Variants in AUTS2 observed in about 807,000 individuals in gnomAD.
AUTS2 encodes autism susceptibility gene 2 protein.
Under a neutral mutation model 112.4 loss-of-function variants are expected in AUTS2, and 17 were observed. The observed-to-expected ratio is 0.15, with a 90% CI of 0.10 to 0.23. The LOEUF (loss-of-function observed/expected upper bound fraction) is 0.23, where lower values mean the gene tolerates loss of function less well. AUTS2 is among the 10% of genes least tolerant of loss of function. The pLI is 1.00. For missense variants in AUTS2, 1,510 were observed against 1,701.6 expected (o/e 0.89, Z 1.98); for synonymous variants, 751 against 702.7 (o/e 1.07, Z -1.09).
At chr7:70,530,675 C>A (rs2129497959) in intron 5 of AUTS2, among the ~76,000 whole-genome samples, 1 of 152,208 alleles carries the variant, frequency 6.6e-6, no homozygotes, top group Non-Finnish European at 1.5e-5. Context: ...TGCTTATGGT[C>A]ACTGCTTTTA....
intron 1 of AUTS2, among the ~76,000 whole-genome samples, chr7:69,676,108 C>T (rs1489140796): frequency 6.6e-6 from 1 of 152,062 alleles, no homozygotes; most frequent in African/African-American, 2.4e-5. Flanking sequence ...TTCTGGTGTT[C>T]AGAAATATCT....
intron 1 of AUTS2, among the ~76,000 whole-genome samples, chr7:69,703,343 G>A (rs559978205): frequency 5.3e-5 from 8 of 152,296 alleles, no homozygotes; most frequent in South Asian, 4.1e-4. Flanking sequence ...AATTGGCAGA[G>A]CTATTAAGAT....
chr7:69,805,789 A>G (rs1026854858), intron 1 of AUTS2, among the ~76,000 whole-genome samples: 4 of 152,230 alleles, frequency 2.6e-5, no homozygotes, highest in Non-Finnish European at 5.9e-5. Flanking sequence ...CCAGTGAGCA[A>G]TAAGTTAATA....
chr7:70,162,513 G>T (rs1808146324), intron 4 of AUTS2, among the ~76,000 whole-genome samples: 1 of 134,250 alleles, frequency 7.4e-6, no homozygotes, highest in East Asian at 2.4e-4. Context: ...TTGTGCAACT[G>T]ATCATGAAGT....
At position 69,993,225 on chromosome 7, in the gene AUTS2, A is replaced by G. The variant is rs1001643412; in HGVS notation, c.522+93727A>G. Among the ~76,000 whole-genome samples, 3 of 152,108 alleles carry G rather than the reference A, an allele frequency of 2.0e-5. No individual in the cohort carries two copies. The East Asian group carries it at 5.8e-4, about 29-fold the overall frequency. On this transcript the variant is annotated intron_variant, in intron 2 of 18. Transcript: ENST00000342771. ...GTCCAACAACAATCTTGCAGCTTCC[A>G]CTTTACAGTCCTCCTTTGGTTATGT...
intron 4 of AUTS2, among the ~76,000 whole-genome samples, chr7:70,416,461 G>C (rs1794991130): frequency 6.6e-6 from 1 of 152,070 alleles, no homozygotes; most frequent in Non-Finnish European, 1.5e-5. Flanking sequence ...CTTTTGAATG[G>C]GCCTTGCCCA....
At chr7:70,347,522 C>T (rs1181934405) in intron 4 of AUTS2, among the ~76,000 whole-genome samples, 1 of 152,106 alleles carries the variant, frequency 6.6e-6, no homozygotes, top group African/African-American at 2.4e-5. Flanking sequence ...CTATTCTCTG[C>T]TCACCTGGAA....
chr7:70,515,446 T>G (rs921533459), intron 5 of AUTS2, among the ~76,000 whole-genome samples: 3 of 152,222 alleles, frequency 2.0e-5, no homozygotes, highest in African/African-American at 7.2e-5. Context: ...TGGAGCATTT[T>G]AATCAGCCCT....
intron 5 of AUTS2, among the ~76,000 whole-genome samples, chr7:70,695,434 G>C (rs1466517172): frequency 6.6e-6 from 1 of 152,244 alleles, no homozygotes; most frequent in Non-Finnish European, 1.5e-5. Flanking sequence ...GCGGAGGTCG[G>C]GATCCCGGCC....
intron 5 of AUTS2, among the ~76,000 whole-genome samples, chr7:70,501,211 A>G (rs1798759432): frequency 6.6e-6 from 1 of 152,202 alleles, no homozygotes; most frequent in Admixed American, 6.5e-5. Flanking sequence ...ATCTCGGGCA[A>G]GTTAAATGAG....
intron 4 of AUTS2, among the ~76,000 whole-genome samples, chr7:70,167,472 T>C (rs1024831704): frequency 1.3e-5 from 2 of 152,198 alleles, no homozygotes; most frequent in African/African-American, 4.8e-5. Context: ...TAATAAAGTT[T>C]GAGATTTCAT....
intron 1 of AUTS2, among the ~76,000 whole-genome samples, chr7:69,762,555 C>G (rs758779741): frequency 1.3e-5 from 2 of 151,834 alleles, no homozygotes; most frequent in African/African-American, 4.8e-5. Context: ...GCCATCTGCC[C>G]GCTTCGGCCT....
At chr7:69,691,360 T>G (rs1326589299) in intron 1 of AUTS2, among the ~76,000 whole-genome samples, 1 of 151,942 alleles carries the variant, frequency 6.6e-6, no homozygotes, top group East Asian at 1.9e-4. Flanking sequence ...GTCCATTGTG[T>G]CTAGGCTGTT....
At chr7:69,963,096 A>G (rs1797495897) in intron 2 of AUTS2, among the ~76,000 whole-genome samples, 1 of 152,122 alleles carries the variant, frequency 6.6e-6, no homozygotes, top group Non-Finnish European at 1.5e-5. Flanking sequence ...CTGTCTGTTT[A>G]AAACAAAACA....
rs992732005 is a variant in AUTS2, at chr7:69,865,751, A to G, written c.310-33535A>G. Reference sequence around the variant, plus strand: ...TCTCTTCGAATTTAGAGACATCATCAGTGCATATCATCCATTATACAAAAA... The same window carrying G: ...TCTCTTCGAATTTAGAGACATCATCGGTGCATATCATCCATTATACAAAAA... On this transcript the variant is annotated intron_variant, in intron 1 of 18. Coordinates refer to ENST00000342771, the MANE Select transcript of AUTS2 (RefSeq NM_015570.4). Among the ~76,000 whole-genome samples the G allele has an allele frequency of 2.0e-5, 3 of 152,174 alleles. No individual in the cohort carries two copies. The South Asian group carries it at 6.2e-4, about 32-fold the overall frequency.
At chr7:69,947,350 G>C (rs1584479724) in intron 2 of AUTS2, among the ~76,000 whole-genome samples, 1 of 152,222 alleles carries the variant, frequency 6.6e-6, no homozygotes, top group East Asian at 1.9e-4. Context: ...TGGGCATCTT[G>C]GCGAGAAAAG....
chr7:70,052,785 A>G (rs1801815201), intron 2 of AUTS2, among the ~76,000 whole-genome samples: 1 of 152,126 alleles, frequency 6.6e-6, no homozygotes, highest in South Asian at 2.1e-4. Context: ...CATTTCCTCA[A>G]AGATCCCACA....
intron 4 of AUTS2, among the ~76,000 whole-genome samples, chr7:70,321,167 G>A (rs1324254257): frequency 9.9e-5 from 15 of 152,184 alleles, no homozygotes; most frequent in Admixed American, 9.8e-4. Context: ...GAAATCTGAG[G>A]AGTGAAGAGG....
chr7:70,122,728 A>G (rs1169248013), intron 3 of AUTS2, among the ~76,000 whole-genome samples: 1 of 152,208 alleles, frequency 6.6e-6, no homozygotes, highest in Non-Finnish European at 1.5e-5. Flanking sequence ...GGAAAGAAAG[A>G]AAAATGACCC....
Sources: gnomAD v4.1 joint callset for allele counts (sites outside exome capture counted in the v4.1 genomes callset) on GRCh38, gnomAD v4.1.1 for gene constraint, MANE v1.5 for transcripts, NCBI Gene and HGNC (gene_info 2026-07-23, HGNC 2026-07-21) for gene names.